The following CCDC171 variants were observed in gnomAD, a reference collection of about 807,000 sequenced individuals.
The protein encoded by CCDC171 is coiled-coil domain containing 171, also known as coiled-coil domain-containing protein 171.
A neutral mutation model predicts 168.2 loss-of-function variants in CCDC171; 177 were observed. The observed-to-expected ratio is 1.05, with a 90% CI of 0.93 to 1.19. The LOEUF is 1.19. Ranked by LOEUF, CCDC171 falls within the 50% of genes most tolerant of loss-of-function variation. The pLI, the probability that CCDC171 is intolerant of heterozygous loss-of-function variation, is 0.00. For synonymous variants in CCDC171, 687 were observed against 540.8 expected, an observed-to-expected ratio of 1.27 and a Z score of -3.75; for missense variants, 1,991 against 1,539.0, an observed-to-expected ratio of 1.29 and a Z score of -4.91.
intron 21 of CCDC171, among the ~76,000 whole-genome samples, chr9:15,836,598 G>T (rs2060461404): frequency 6.6e-6 from 1 of 152,134 alleles, no homozygotes; most frequent in African/African-American, 2.4e-5. Context: ...TGATCCGCCT[G>T]CCTCGGCCTC....
chr9:16,046,626 A>G (rs1216602821), intron 1 of CCDC171, among the ~76,000 whole-genome samples: 1 of 152,134 alleles, frequency 6.6e-6, no homozygotes, highest in African/African-American at 2.4e-5. Context: ...TAATTGAATC[A>G]TGGGGGTGGT....
chr9:15,656,072 C>G (rs572149898), intron 7 of CCDC171, among the ~76,000 whole-genome samples: 1 of 152,174 alleles, frequency 6.6e-6, no homozygotes, highest in Non-Finnish European at 1.5e-5. Context: ...GTAATCCTAG[C>G]ACTTTGGGAG....
At chr9:16,086,635 C>G in the CCDC171 span, among the ~76,000 whole-genome samples, 1 of 152,168 alleles carries the variant, frequency 6.6e-6, no homozygotes, top group East Asian at 1.9e-4. Context: ...AGCAGTCTGT[C>G]TATTTTGTTA....
At chr9:15,587,357 A>C (rs1223785689) in intron 4 of CCDC171, among the ~76,000 whole-genome samples, 1 of 152,072 alleles carries the variant, frequency 6.6e-6, no homozygotes, top group African/African-American at 2.4e-5. Context: ...TATGGGTCTC[A>C]CGAGATCTGA....
intron 3 of CCDC171, among the ~76,000 whole-genome samples, chr9:16,008,943 C>T (rs1248488412): frequency 1.3e-5 from 2 of 152,070 alleles, no homozygotes; most frequent in Non-Finnish European, 2.9e-5. Context: ...TTCATATAAG[C>T]AGGCCCTTGG....
At chr9:15,859,795 G>A (rs1181173078) in intron 23 of CCDC171, among the ~76,000 whole-genome samples, 1 of 151,638 alleles carries the variant, frequency 6.6e-6, no homozygotes, top group Non-Finnish European at 1.5e-5. Flanking sequence ...AAGTAGCTGT[G>A]ACTACAGGCA....
intron 1 of CCDC171, among the ~76,000 whole-genome samples, chr9:16,044,633 C>A (rs1833627999): frequency 6.6e-6 from 1 of 151,698 alleles, no homozygotes; most frequent in East Asian, 1.9e-4. Context: ...GGCCGTGACA[C>A]AGGCAAAAAT....
chr9:15,780,316 GCTT>G (rs1351311665), intron 20 of CCDC171, among the ~76,000 whole-genome samples: 1 of 151,970 alleles, frequency 6.6e-6, no homozygotes, highest in Non-Finnish European at 1.5e-5. Context: ...GAGATGAGCT[GCTT>G]CAACTTTTTT....
intron 4 of CCDC171, among the ~76,000 whole-genome samples, chr9:15,580,915 T>C (rs1471313884): frequency 6.6e-6 from 1 of 152,156 alleles, no homozygotes; most frequent in Non-Finnish European, 1.5e-5. Flanking sequence ...AACATAGTAT[T>C]GGAAGTTCTG....
At chr9:16,023,950 T>C (rs112240351) in intron 6 of CCDC171, among the ~76,000 whole-genome samples, 2,193 of 150,524 alleles carry the variant, frequency 0.015, 50 homozygotes, top group African/African-American at 0.049. Context: ...TATCCTGGAA[T>C]ATGTGTGTGG....
chr9:15,670,892 C>G (rs533964746), intron 9 of CCDC171, among the ~76,000 whole-genome samples: 18 of 152,166 alleles, frequency 1.2e-4, no homozygotes, highest in African/African-American at 4.3e-4. Context: ...CCTGTAATCC[C>G]AGCACTTTGG....
intron 23 of CCDC171, among the ~76,000 whole-genome samples, chr9:15,859,844 T>A (rs149310552): frequency 2.4e-4 from 37 of 151,836 alleles, no homozygotes; most frequent in African/African-American, 8.9e-4. Flanking sequence ...ATTATTATTA[T>A]TTTTTGAAGA....
At chr9:15,675,447 G>A (rs2049470833) in intron 9 of CCDC171, among the ~76,000 whole-genome samples, 1 of 152,038 alleles carries the variant, frequency 6.6e-6, no homozygotes, top group African/African-American at 2.4e-5. Context: ...CCTGTTAATT[G>A]ATGCAGTTTC....
At chr9:15,889,409 C>G (rs1307378109) in intron 24 of CCDC171, among the ~76,000 whole-genome samples, 1 of 152,022 alleles carries the variant, frequency 6.6e-6, no homozygotes, top group Non-Finnish European at 1.5e-5. Context: ...AGGTTTTTTG[C>G]TTATAGAGAA....
intron 6 of CCDC171, among the ~76,000 whole-genome samples, chr9:15,619,212 A>C (rs2044325299): frequency 6.6e-6 from 1 of 152,162 alleles, no homozygotes; most frequent in African/African-American, 2.4e-5. Flanking sequence ...AGGAAGGCTC[A>C]CACCTGTTTC....
At chr9:15,624,782 T>G (rs2044905317) in intron 7 of CCDC171, among the ~76,000 whole-genome samples, 1 of 152,194 alleles carries the variant, frequency 6.6e-6, no homozygotes, top group African/African-American at 2.4e-5. Flanking sequence ...TACGTGTGCA[T>G]GTGTCTTTAT....
chr9:16,021,110 G>A lies in CCDC171; in HGVS notation n.574+316G>A, dbSNP rs532497918. Among the ~76,000 whole-genome samples the A allele has an allele frequency of 1.2e-4, 19 of 152,206 alleles. No individual in the cohort carries two copies. In the South Asian group the frequency reaches 3.7e-3, roughly 30 times the overall value. On this transcript the variant is annotated intron_variant and non_coding_transcript_variant, in intron 4 of 9. Transcript: ENST00000486641. ...AAGACAATTTTTGTTTTCTTTAGAC[G>A]GAGTTTCACTCTTGTCACCCAGGCT...
rs1225108579 is a variant in CCDC171 at position 15,819,349 on chromosome 9, A to T, written c.3268-27353A>T. 1.7e-5 allele frequency among the ~76,000 whole-genome samples: 2 copies of T among 117,420 alleles called. 1 individual carries two copies. The highest frequency in any genetic ancestry group is 3.8e-5 in the Non-Finnish European group (2 of 52,300). The allele number at this position is 117,420 out of a possible 152,430, so 77.0% of individuals were successfully genotyped here. The stretch of plus-strand genomic sequence containing the variant: ...ATCAGATTCACACATAACAATATTA[A>T]CCTTAAATGTAAATGGGCTAAATGC... On this transcript the variant is annotated intron_variant, in intron 21 of 25. Transcript: ENST00000380701.
At chr9:15,747,610 G>C (rs1461709485) in intron 18 of CCDC171, among the ~76,000 whole-genome samples, 2 of 152,328 alleles carry the variant, frequency 1.3e-5, no homozygotes, top group East Asian at 3.9e-4. Context: ...TAGGCACACA[G>C]GGTCTGGACT....
Sources: allele counts gnomAD v4.1 joint callset (sites outside exome capture counted in the v4.1 genomes callset), GRCh38; gene constraint gnomAD v4.1.1; transcripts MANE v1.5; gene names NCBI Gene and HGNC (gene_info 2026-07-23, HGNC 2026-07-21).